Variants in MCC observed in about 807,000 individuals in gnomAD.
The protein encoded by MCC is colorectal mutant cancer protein.
A neutral mutation model predicts 116.2 loss-of-function variants in MCC; 90 were observed. The ratio of observed to expected loss-of-function variants is 0.77; its 90% confidence interval spans 0.65 to 0.92. MCC has a LOEUF of 0.92. Among genes scored for constraint, MCC ranks in the 40% least tolerant of loss-of-function variants. The pLI is 0.00. For missense variants in MCC, 1,516 were observed against 1,312.2 expected (o/e 1.16, Z -2.40); for synonymous variants, 578 against 510.5 (o/e 1.13, Z -1.78).
chr5:113,457,651 G>A (rs1771612094), intron 1 of MCC, among the ~76,000 whole-genome samples: 1 of 151,924 alleles, frequency 6.6e-6, no homozygotes, highest in Non-Finnish European at 1.5e-5. Context: ...CTAGCTCAGG[G>A]ATTGTAAATA....
intron 1 of MCC, among the ~76,000 whole-genome samples, chr5:113,431,892 C>T (rs1417502673): frequency 6.6e-6 from 1 of 151,830 alleles, no homozygotes; most frequent in Admixed American, 6.6e-5. Flanking sequence ...AATCCCAGCA[C>T]TTTGGGAGGC....
intron 1 of MCC, among the ~76,000 whole-genome samples, chr5:113,437,579 C>T (rs1770899607): frequency 6.6e-6 from 1 of 152,152 alleles, no homozygotes; most frequent in African/African-American, 2.4e-5. Context: ...ACAGATGATA[C>T]ACATACACTC....
chr5:113,193,903 G>C (rs772208773), intron 3 of MCC, among the ~76,000 whole-genome samples: 3 of 151,828 alleles, frequency 2.0e-5, no homozygotes, highest in Non-Finnish European at 4.4e-5. Flanking sequence ...GCACAATTTG[G>C]GTAATAGTTG....
intron 3 of MCC, among the ~76,000 whole-genome samples, chr5:113,289,272 T>C (rs1454486082): frequency 1.4e-5 from 2 of 143,852 alleles, no homozygotes; most frequent in African/African-American, 2.7e-5. Context: ...CAGGTTGCAG[T>C]GAGCCGAGAT....
chr5:113,109,968 A>T (rs1756992711), intron 6 of MCC, among the ~76,000 whole-genome samples: 1 of 151,980 alleles, frequency 6.6e-6, no homozygotes, highest in African/African-American at 2.4e-5. Flanking sequence ...GCTGTACTTT[A>T]TTTTTTTATT....
chr5:113,470,937 C>T (rs1772071081), intron 1 of MCC, among the ~76,000 whole-genome samples: 1 of 152,200 alleles, frequency 6.6e-6, no homozygotes, highest in African/African-American at 2.4e-5. Flanking sequence ...ATTTCGTCTT[C>T]CATCACTGAT....
Position 113,082,885 on chromosome 5 carries a change from C to G in MCC, c.1759G>C (p.Glu587Gln). 1 of 1,614,180 alleles carries G rather than the reference C, an allele frequency of 6.2e-7. No individual in the cohort carries two copies. Among genetic ancestry groups the G allele is most frequent in the Non-Finnish European group, 8.5e-7 (1 of 1,180,030 alleles). ...CTATTCAGCCGTTCTGTTTCCACCT[C>G]AAACTCTCTAATCTTGCTTTCTGAG... ...AISESKIREFEVETERLNSRI... is the reference protein window; with the variant it reads ...AISESKIREFQVETERLNSRI... Residue 587 changes from glutamate (E) to glutamine (Q), a missense_variant, in exon 11 of 19, where the codon GAG (glutamate) becomes CAG (glutamine). Transcript: ENST00000408903.
At chr5:113,112,692 A>T (rs1483431251) in intron 6 of MCC, among the ~76,000 whole-genome samples, 2 of 152,244 alleles carry the variant, frequency 1.3e-5, no homozygotes, top group Non-Finnish European at 2.9e-5. Flanking sequence ...TGATGATTTC[A>T]TTCATTCAAC....
intron 3 of MCC, among the ~76,000 whole-genome samples, chr5:113,179,073 C>T (rs1458646492): frequency 1.3e-5 from 2 of 152,230 alleles, no homozygotes; most frequent in African/African-American, 4.8e-5. Flanking sequence ...ATACCACACT[C>T]TTCCATGTCT....
At chr5:113,345,984 G>A (rs567023783) in intron 2 of MCC, among the ~76,000 whole-genome samples, 2 of 152,174 alleles carry the variant, frequency 1.3e-5, no homozygotes, top group South Asian at 2.1e-4. Context: ...GAAATTCAAG[G>A]TAACACAGAG....
intron 3 of MCC, among the ~76,000 whole-genome samples, chr5:113,314,266 G>C (rs1431205383): frequency 6.6e-6 from 1 of 152,210 alleles, no homozygotes; most frequent in Non-Finnish European, 1.5e-5. Flanking sequence ...GTTTTAAAAT[G>C]ATAGAATAGA....
chr5:113,256,827 T>G (rs1328701133), intron 3 of MCC, among the ~76,000 whole-genome samples: 4 of 152,184 alleles, frequency 2.6e-5, no homozygotes, highest in Non-Finnish European at 4.4e-5. Context: ...TTAATGCCAA[T>G]TTTTGCTTTA....
chr5:113,118,847 C>T (rs1311739500), intron 6 of MCC, among the ~76,000 whole-genome samples: 1 of 152,202 alleles, frequency 6.6e-6, no homozygotes, highest in African/African-American at 2.4e-5. Context: ...ATGAACTCCT[C>T]CTTGTTGTGC....
rs536628101 is a variant in MCC, at chr5:113,252,373, C to A, written c.627+88146G>T. 2.0e-5 allele frequency among the ~76,000 whole-genome samples: 3 copies of A among 152,298 alleles called. No homozygotes were observed. The East Asian group carries it at 5.8e-4, about 29-fold the overall frequency. On this transcript the variant is annotated intron_variant, in intron 3 of 18. Transcript: ENST00000408903. ...AACTGAGCTCTGCCTTCCATCAGATCAGTGGTGGCATTGCATTAGATCTTC... is the reference window on the plus strand; with the variant it reads ...AACTGAGCTCTGCCTTCCATCAGATAAGTGGTGGCATTGCATTAGATCTTC...
intron 1 of MCC, among the ~76,000 whole-genome samples, chr5:113,470,555 T>C (rs1406103593): frequency 1.3e-5 from 2 of 152,230 alleles, no homozygotes. Context: ...AGATCAGCTG[T>C]TAGTCTGATG....
intron 14 of MCC, among the ~76,000 whole-genome samples, chr5:113,060,853 G>A (rs1313561378): frequency 6.6e-6 from 1 of 152,178 alleles, no homozygotes; most frequent in Non-Finnish European, 1.5e-5. Flanking sequence ...AAGGACTTTG[G>A]ATAGACTCTC....
chr5:113,217,376 AGAG>A (rs1763363696), intron 3 of MCC, among the ~76,000 whole-genome samples: 2 of 152,250 alleles, frequency 1.3e-5, no homozygotes, highest in Non-Finnish European at 2.9e-5. Context: ...CACATTTTGA[AGAG>A]TAGACATTTT....
In MCC at chr5:113,232,615, T is replaced by C. The variant is rs181200196; in HGVS notation, c.628-81193A>G. Among the ~76,000 whole-genome samples the C allele has an allele frequency of 3.5e-3, 535 of 152,310 alleles. 3 individuals carry two copies. Among genetic ancestry groups the C allele is most frequent in the Non-Finnish European group, 4.9e-3 (331 of 68,022 alleles). On this transcript the variant is annotated intron_variant, in intron 3 of 18. Coordinates refer to ENST00000408903, the MANE Select transcript of MCC (RefSeq NM_001085377.2). Reference sequence around the variant, plus strand: ...TAATGCATAATTATACACACATCAATGTACCAACACTTCAAAAAACCTTTA... The same window carrying C: ...TAATGCATAATTATACACACATCAACGTACCAACACTTCAAAAAACCTTTA...
chr5:113,317,199 C>T (rs191344350), intron 3 of MCC, among the ~76,000 whole-genome samples: 1 of 152,312 alleles, frequency 6.6e-6, no homozygotes, highest in African/African-American at 2.4e-5. Context: ...TAATGATGAA[C>T]TGAATGCTGG....
Sources: gnomAD v4.1 joint callset for allele counts (sites outside exome capture counted in the v4.1 genomes callset) on GRCh38, gnomAD v4.1.1 for gene constraint, MANE v1.5 for transcripts, NCBI Gene and HGNC (gene_info 2026-07-23, HGNC 2026-07-21) for gene names.